Variants in TTC28 observed in about 807,000 individuals in gnomAD.
TTC28 encodes tetratricopeptide repeat domain 28, also known as tetratricopeptide repeat protein 28.
In TTC28, 61 loss-of-function variants were observed where a neutral mutation model predicts 198.0. The ratio of observed to expected loss-of-function variants is 0.31; its 90% confidence interval spans 0.25 to 0.38. The LOEUF (loss-of-function observed/expected upper bound fraction) is 0.38, where lower values mean the gene tolerates loss of function less well. Ranked by LOEUF, TTC28 falls within the 10% of genes least tolerant of loss-of-function variation. TTC28 has a pLI of 1.00. For missense variants in TTC28, 2,678 were observed against 3,164.0 expected, an observed-to-expected ratio of 0.85 and a Z score of 3.69; for synonymous variants, 1,171 against 1,297.8, an observed-to-expected ratio of 0.90 and a Z score of 2.10.
intron 2 of TTC28, among the ~76,000 whole-genome samples, chr22:28,415,326 G>C (rs1481577006): frequency 6.6e-6 from 1 of 151,938 alleles, no homozygotes; most frequent in Non-Finnish European, 1.5e-5. Flanking sequence ...GAGGCATGCA[G>C]GTAAGCAATT....
intron 2 of TTC28, among the ~76,000 whole-genome samples, chr22:28,609,899 G>A (rs544319225): frequency 6.6e-6 from 1 of 152,260 alleles, no homozygotes; most frequent in South Asian, 2.1e-4. Flanking sequence ...AAGCTTGGTG[G>A]GGAGACAGGT....
At chr22:28,648,774 T>C (rs1466067663) in intron 1 of TTC28, among the ~76,000 whole-genome samples, 3 of 152,184 alleles carry the variant, frequency 2.0e-5, no homozygotes, top group Admixed American at 6.5e-5. Context: ...CTGGGCGTGG[T>C]GGCCTGTGCC....
chr22:28,334,302 C>A lies in TTC28; in HGVS notation c.382-27659G>T, dbSNP rs2045669375. Reference sequence around the variant, plus strand: ...GTCTTTGCTATTGTGAATAGTGCCACAATAAACATATGTGTGCATGTGTCT... The same window carrying A: ...GTCTTTGCTATTGTGAATAGTGCCAAAATAAACATATGTGTGCATGTGTCT... On this transcript the variant is annotated intron_variant, in intron 2 of 22. Coordinates refer to ENST00000397906, the MANE Select transcript of TTC28 (RefSeq NM_001145418.2). Among the ~76,000 whole-genome samples the A allele has an allele frequency of 3.3e-5, 5 of 152,032 alleles. No homozygotes were observed. The South Asian group carries it at 1.0e-3, about 32-fold the overall frequency.
intron 2 of TTC28, among the ~76,000 whole-genome samples, chr22:28,442,435 A>G (rs1221297845): frequency 6.6e-6 from 1 of 152,222 alleles, no homozygotes; most frequent in Non-Finnish European, 1.5e-5. Flanking sequence ...GCCCTGGGGA[A>G]ACGGCTGCCA....
At chr22:28,473,371 T>C (rs2048122636) in intron 2 of TTC28, among the ~76,000 whole-genome samples, 1 of 152,136 alleles carries the variant, frequency 6.6e-6, no homozygotes, top group African/African-American at 2.4e-5. Context: ...GGGGCTTGAA[T>C]TCGGGACCAG....
At chr22:28,587,102 G>A (rs971887332) in intron 2 of TTC28, among the ~76,000 whole-genome samples, 7 of 152,076 alleles carry the variant, frequency 4.6e-5, no homozygotes, top group African/African-American at 1.7e-4. Flanking sequence ...GGCGCCTATA[G>A]GCCTAGAACT....
At chr22:28,295,786 T>C (rs1319445384) in intron 5 of TTC28, among the ~76,000 whole-genome samples, 1 of 152,196 alleles carries the variant, frequency 6.6e-6, no homozygotes, top group African/African-American at 2.4e-5. Flanking sequence ...TGCTCCTGAG[T>C]TGAAAATCCA....
At chr22:28,178,118 A>G (rs1923345219) in intron 5 of TTC28, among the ~76,000 whole-genome samples, 1 of 152,140 alleles carries the variant, frequency 6.6e-6, no homozygotes, top group South Asian at 2.1e-4. Flanking sequence ...TGGAAACTCT[A>G]TACTATTTGT....
At chr22:28,540,100 C>G (rs747632853) in intron 2 of TTC28, among the ~76,000 whole-genome samples, 2 of 151,954 alleles carry the variant, frequency 1.3e-5, no homozygotes, top group Non-Finnish European at 2.9e-5. Context: ...CCCGCCACCA[C>G]GCCCAGCTAA....
At chr22:28,651,649 C>T (rs1400192417) in intron 1 of TTC28, among the ~76,000 whole-genome samples, 4 of 148,936 alleles carry the variant, frequency 2.7e-5, no homozygotes, top group Non-Finnish European at 4.5e-5. Flanking sequence ...TTGGCTCAAG[C>T]GATTCTCCCA....
chr22:28,635,028 G>A (rs2051245245), intron 1 of TTC28, among the ~76,000 whole-genome samples: 1 of 152,176 alleles, frequency 6.6e-6, no homozygotes, highest in Non-Finnish European at 1.5e-5. Flanking sequence ...AGTTAGAATA[G>A]TACTCCGTAA....
chr22:28,616,833 C>A (rs943377030), intron 2 of TTC28, among the ~76,000 whole-genome samples: 2 of 147,802 alleles, frequency 1.4e-5, no homozygotes, highest in Non-Finnish European at 3.0e-5. Context: ...GGTGACAGAG[C>A]AAGACCCTGT....
At chr22:28,388,283 C>T (rs565068133) in intron 2 of TTC28, among the ~76,000 whole-genome samples, 2 of 152,290 alleles carry the variant, frequency 1.3e-5, no homozygotes, top group East Asian at 1.9e-4. Context: ...TAGTGTGATG[C>T]CTCCAGCTTT....
chr22:28,166,892 T>G (rs976006030), intron 5 of TTC28, among the ~76,000 whole-genome samples: 3 of 152,076 alleles, frequency 2.0e-5, no homozygotes, highest in African/African-American at 7.2e-5. Flanking sequence ...GAGCTGGTTT[T>G]TGAAAAGATC....
chr22:28,320,991 GTTTTA>G (rs960798037), intron 2 of TTC28, among the ~76,000 whole-genome samples: 5 of 152,112 alleles, frequency 3.3e-5, no homozygotes, highest in African/African-American at 9.7e-5. Context: ...GATTCTCAAG[GTTTTA>G]TTTTATTTTT....
intron 6 of TTC28, among the ~76,000 whole-genome samples, chr22:28,117,610 G>C (rs1457029499): frequency 6.6e-6 from 1 of 152,176 alleles, no homozygotes; most frequent in African/African-American, 2.4e-5. Context: ...TTATCATGGT[G>C]CCCTCGAGTT....
intron 5 of TTC28, among the ~76,000 whole-genome samples, chr22:28,164,085 C>T (rs149425890): frequency 6.7e-4 from 102 of 152,236 alleles, no homozygotes; most frequent in African/African-American, 2.2e-3. Context: ...AAGGCGGAAG[C>T]GAGGCTGGGG....
intron 5 of TTC28, among the ~76,000 whole-genome samples, chr22:28,201,024 G>C (rs942990612): frequency 1.3e-5 from 2 of 152,140 alleles, no homozygotes; most frequent in Admixed American, 1.3e-4. Context: ...CTACGTGCCA[G>C]GCAGTTTATG....
chr22:28,570,717 A>C (rs771151616), intron 2 of TTC28, among the ~76,000 whole-genome samples: 21 of 152,266 alleles, frequency 1.4e-4, no homozygotes, highest in Non-Finnish European at 2.9e-5. Context: ...AAAACTTTTA[A>C]TGGTTAAAAT....
Sources: gnomAD v4.1 joint callset for allele counts (sites outside exome capture counted in the v4.1 genomes callset) on GRCh38, gnomAD v4.1.1 for gene constraint, MANE v1.5 for transcripts, NCBI Gene and HGNC (gene_info 2026-07-23, HGNC 2026-07-21) for gene names.